PCNX1: variants seen among roughly 807,000 people sequenced by gnomAD.
PCNX1 encodes the protein pecanex-like protein 1.
A neutral mutation model predicts 242.2 loss-of-function variants in PCNX1; 78 were observed. That is an observed-to-expected ratio of 0.32 (90% CI 0.27 to 0.39). PCNX1 has a LOEUF of 0.39. Ranked by LOEUF, PCNX1 falls within the 10% of genes least tolerant of loss-of-function variation. The pLI is 1.00. For synonymous variants in PCNX1, 1,024 were observed against 1,032.9 expected (o/e 0.99, Z 0.17); for missense variants, 2,581 against 2,856.5 (o/e 0.90, Z 2.20).
intron 11 of PCNX1, 46 bp from the exon 12 acceptor site, chr14:71,018,963 T>G: frequency 6.7e-7 from 1 of 1,501,578 alleles, no homozygotes; most frequent in South Asian, 1.3e-5. Flanking sequence ...TTTGGTTAAT[T>G]TCTTATACTT....
Position 71,048,864 on chromosome 14 carries a change from C to T in PCNX1, c.4338+880C>T, listed in dbSNP as rs141269343. ...ATGGGGAACAGTAAAAATGGAAAGC[C>T]GTTAATTTGAGCAAAGTTTCATTGA... is the stretch of plus-strand genomic sequence containing the variant. On this transcript the variant is annotated intron_variant, in intron 22 of 35. Coordinates refer to ENST00000304743, the MANE Select transcript of PCNX1 (RefSeq NM_014982.3). 4.6e-3 allele frequency: 778 copies of T among 169,050 alleles called. 5 individuals are homozygous for T. Among genetic ancestry groups the T allele is most frequent in the Non-Finnish European group, 7.4e-3 (616 of 83,598 alleles). The allele number at this position is 169,050 out of a possible 1,614,324, so 10.5% of individuals were successfully genotyped here.
At chr14:71,024,304 G>A (rs2060181475) in intron 13 of PCNX1, among the ~76,000 whole-genome samples, 1 of 152,000 alleles carries the variant, frequency 6.6e-6, no homozygotes, top group African/African-American at 2.4e-5. Flanking sequence ...CTAATATATA[G>A]ATCTTATTCA....
intron 2 of PCNX1, among the ~76,000 whole-genome samples, chr14:70,951,108 T>C (rs974904079): frequency 6.6e-6 from 1 of 152,178 alleles, no homozygotes; most frequent in Admixed American, 6.5e-5. Flanking sequence ...CATTTTAACT[T>C]AATTTGTTTA....
intron 2 of PCNX1, among the ~76,000 whole-genome samples, chr14:70,952,271 A>T (rs953764176): frequency 1.3e-5 from 2 of 152,156 alleles, no homozygotes; most frequent in African/African-American, 4.8e-5. Context: ...TACTTTAAAA[A>T]TTTTTTATTG....
chr14:71,002,651 A>T (rs2059538094), intron 8 of PCNX1, among the ~76,000 whole-genome samples: 2 of 152,084 alleles, frequency 1.3e-5, no homozygotes, highest in African/African-American at 4.8e-5. Context: ...CTGTAGTGTA[A>T]TGCTTTTTGA....
chr14:70,980,635 C>G (rs954373256), intron 6 of PCNX1, among the ~76,000 whole-genome samples: 1 of 151,644 alleles, frequency 6.6e-6, no homozygotes, highest in African/African-American at 2.4e-5. Flanking sequence ...TTTACTTGGG[C>G]TTTTTGAAAG....
intron 24 of PCNX1, 140 bp from the exon 25 acceptor site, chr14:71,055,364 C>A: frequency 1.8e-6 from 1 of 566,924 alleles, no homozygotes; most frequent in Non-Finnish European, 3.2e-6. Flanking sequence ...TATCATTATA[C>A]TAATCACAGA....
intron 31 of PCNX1, among the ~76,000 whole-genome samples, chr14:71,102,864 G>A (rs2062500655): frequency 6.6e-6 from 1 of 151,952 alleles, no homozygotes; most frequent in Non-Finnish European, 1.5e-5. Flanking sequence ...TGATTCTTAG[G>A]TTGCAAAATG....
chr14:71,098,525 T>A (rs1240030043), intron 30 of PCNX1, among the ~76,000 whole-genome samples: 2 of 127,304 alleles, frequency 1.6e-5, no homozygotes, highest in Non-Finnish European at 3.3e-5. Flanking sequence ...TGTGTGTGTG[T>A]GTGTGTGTGT....
intron 12 of PCNX1, among the ~76,000 whole-genome samples, chr14:71,021,084 T>C (rs2060087704): frequency 6.6e-6 from 1 of 152,198 alleles, no homozygotes; most frequent in Non-Finnish European, 1.5e-5. Context: ...TGTGTGGTGT[T>C]ATTTCTGAGG....
chr14:70,917,403 T>TC (rs1489039640), intron 1 of PCNX1, among the ~76,000 whole-genome samples: 1 of 152,200 alleles, frequency 6.6e-6, no homozygotes, highest in African/African-American at 2.4e-5. Flanking sequence ...TCAAAATTAC[T>TC]CCTTGATCCA....
chr14:71,102,595 A>T (rs1484761265), intron 31 of PCNX1, among the ~76,000 whole-genome samples: 1 of 151,942 alleles, frequency 6.6e-6, no homozygotes, highest in African/African-American at 2.4e-5. Flanking sequence ...AGTAATTGAA[A>T]GTTTTTTCAC....
intron 5 of PCNX1, among the ~76,000 whole-genome samples, chr14:70,973,346 C>A (rs1049197877): frequency 7.3e-5 from 11 of 151,636 alleles, no homozygotes; most frequent in African/African-American, 2.4e-4. Context: ...GTAGGAACAA[C>A]TAGTGAGATC....
At chr14:71,072,770 G>A (rs571134356) in intron 26 of PCNX1, among the ~76,000 whole-genome samples, 65 of 152,274 alleles carry the variant, frequency 4.3e-4, no homozygotes, top group African/African-American at 1.4e-3. Flanking sequence ...TAACATTAGT[G>A]TAACAGATGG....
At chr14:71,081,222 C>T (rs2061846773) in intron 28 of PCNX1, among the ~76,000 whole-genome samples, 2 of 152,118 alleles carry the variant, frequency 1.3e-5, no homozygotes, top group South Asian at 4.1e-4. Context: ...ATGAAGCCAA[C>T]TTGATTATGG....
At chr14:71,021,134 A>G (rs2060089029) in intron 12 of PCNX1, among the ~76,000 whole-genome samples, 1 of 152,118 alleles carries the variant, frequency 6.6e-6, no homozygotes, top group Non-Finnish European at 1.5e-5. Flanking sequence ...CTGTTTTGGT[A>G]CCAGTACCAT....
At chr14:71,019,261 T>G in intron 12 of PCNX1, 99 bp downstream of exon 12, 1 of 934,520 alleles carries the variant, frequency 1.1e-6, no homozygotes, top group Non-Finnish European at 1.6e-6. Context: ...TAATTATTTT[T>G]AGGCTTACTT....
intron 1 of PCNX1, among the ~76,000 whole-genome samples, chr14:70,911,118 CAAT>C (rs1351673999): frequency 6.6e-6 from 1 of 152,180 alleles, no homozygotes; most frequent in Non-Finnish European, 1.5e-5. Flanking sequence ...CATGCTCTTA[CAAT>C]AATAACTGTA....
intron 1 of PCNX1, among the ~76,000 whole-genome samples, chr14:70,914,050 T>C (rs187960093): frequency 2.1e-4 from 32 of 152,276 alleles, no homozygotes; most frequent in Admixed American, 6.5e-4. Flanking sequence ...ATATTACCTA[T>C]AATAAATTAA....
Sources: gnomAD v4.1 joint callset for allele counts (sites outside exome capture counted in the v4.1 genomes callset) on GRCh38, gnomAD v4.1.1 for gene constraint, MANE v1.5 for transcripts, NCBI Gene and HGNC (gene_info 2026-07-23, HGNC 2026-07-21) for gene names.